COP1: variants seen among roughly 807,000 people sequenced by gnomAD.
The protein encoded by COP1 is COP1 E3 ubiquitin ligase, also known as E3 ubiquitin-protein ligase COP1.
COP1 carries 24 observed loss-of-function variants against 101.3 expected under a neutral mutation model. The ratio of observed to expected loss-of-function variants is 0.24; its 90% CI spans 0.17 to 0.33. The LOEUF (loss-of-function observed/expected upper bound fraction) is 0.33. COP1 is among the 10% of genes least tolerant of loss of function. The pLI, the probability that COP1 is intolerant of heterozygous loss-of-function variation, is 1.00. For synonymous variants in COP1, 347 were observed against 341.9 expected, an observed-to-expected ratio of 1.01 and a Z score of -0.17; for missense variants, 663 against 906.2, an observed-to-expected ratio of 0.73 and a Z score of 3.45.
In COP1 at chr1:176,149,088, T is replaced by A; in HGVS notation, c.763-14A>T. The A allele has an allele frequency of 6.6e-7, 1 of 1,520,424 alleles. No homozygotes were observed. The highest frequency in any genetic ancestry group is 9.0e-7 in the Non-Finnish European group (1 of 1,112,730). 94.2% of individuals were successfully genotyped at this position (1,520,424 alleles called of 1,614,324 possible). On this transcript the variant is annotated splice_polypyrimidine_tract_variant and intron_variant, in intron 5 of 19. Transcript: ENST00000367669. ...TGCATGTGATTCCTACAATAGAAAA[T>A]TATAATTTTTCTTTTAAAAAATATA... is the stretch of plus-strand genomic sequence containing the variant.
At chr1:175,983,410 T>A (rs1344060654) in intron 18 of COP1, among the ~76,000 whole-genome samples, 1 of 152,238 alleles carries the variant, frequency 6.6e-6, no homozygotes, top group Non-Finnish European at 1.5e-5. Context: ...TCTGCTGTCA[T>A]GTGAGACATG....
In COP1 at chr1:175,986,929, A is replaced by G. The variant is rs1657264723; in HGVS notation, c.2133+14T>C. 4.5e-6 allele frequency: 7 copies of G among 1,561,006 alleles called. No individual in the cohort carries two copies. Among genetic ancestry groups the G allele is most frequent in the Admixed American group, 2.1e-5 (1 of 47,754 alleles). Reference sequence around the variant, plus strand: ...ATGAGATCCCAAGGTGAAAAAACTGATATGAAAACTTACCCCATCTGGTAG... The same window carrying G: ...ATGAGATCCCAAGGTGAAAAAACTGGTATGAAAACTTACCCCATCTGGTAG... On this transcript the variant is annotated intron_variant, in intron 18 of 19. Coordinates refer to ENST00000367669, the MANE Select transcript of COP1 (RefSeq NM_022457.7).
chr1:176,042,201 G>A (rs1670684450), intron 14 of COP1, among the ~76,000 whole-genome samples: 1 of 150,868 alleles, frequency 6.6e-6, no homozygotes, highest in African/African-American at 2.4e-5. Context: ...AACCCGGGAG[G>A]TGGAGGTTGC....
chr1:176,152,301 G>T (rs907899726), intron 5 of COP1, among the ~76,000 whole-genome samples: 1 of 151,988 alleles, frequency 6.6e-6, no homozygotes, highest in African/African-American at 2.4e-5. Context: ...AGTGTGTGCA[G>T]TAAATAAAAA....
intron 6 of COP1, among the ~76,000 whole-genome samples, chr1:176,148,150 A>C (rs896163947): frequency 1.3e-5 from 2 of 152,198 alleles, no homozygotes; most frequent in African/African-American, 4.8e-5. Flanking sequence ...TATTAAAATC[A>C]CAACTAAATT....
At chr1:176,182,011 T>C (rs1293259371) in intron 2 of COP1, among the ~76,000 whole-genome samples, 3 of 152,128 alleles carry the variant, frequency 2.0e-5, no homozygotes, top group Admixed American at 6.5e-5. Flanking sequence ...AAAGACAACA[T>C]GAAGATTATA....
rs763831485 is a variant in COP1, at chr1:175,945,181, G to A, written c.2179-11C>T. The A allele has an allele frequency of 7.8e-6, 12 of 1,548,040 alleles. No individual in the cohort carries two copies. The highest frequency in any genetic ancestry group is 1.8e-5 in the Admixed American group (1 of 54,496). On this transcript the variant is annotated splice_polypyrimidine_tract_variant and intron_variant, in intron 19 of 19. Coordinates refer to ENST00000367669, the MANE Select transcript of COP1 (RefSeq NM_022457.7). Reference sequence around the variant, plus strand: ...TACCAATTCTAGCACCTAATTGGGGGGAAAAAAGGATCCATTTAATAAAAT... The same window carrying A: ...TACCAATTCTAGCACCTAATTGGGGAGAAAAAAGGATCCATTTAATAAAAT...
At chr1:176,205,006 G>A (rs575872043) in intron 1 of COP1, among the ~76,000 whole-genome samples, 1 of 152,260 alleles carries the variant, frequency 6.6e-6, no homozygotes, top group East Asian at 1.9e-4. Context: ...AACTTCATAT[G>A]GTGCCTGGCC....
chr1:175,962,232 G>T (rs777810416), intron 18 of COP1, among the ~76,000 whole-genome samples: 16 of 151,996 alleles, frequency 1.1e-4, no homozygotes, highest in African/African-American at 3.9e-4. Context: ...CCTTCTATCT[G>T]CCTGAAAACA....
chr1:176,083,703 A>AAGTT (rs10637115), intron 10 of COP1, among the ~76,000 whole-genome samples: 151,238 of 152,270 alleles, frequency 0.99, 75,121 homozygotes, highest in Non-Finnish European at 1. Flanking sequence ...TTGGAAATAA[A>AAGTT]AGAGAATACA....
chr1:176,012,319 G>A (rs1409049313), intron 15 of COP1, among the ~76,000 whole-genome samples: 1 of 152,174 alleles, frequency 6.6e-6, no homozygotes, highest in Non-Finnish European at 1.5e-5. Context: ...GGAGCTGGGG[G>A]TTTCACCATG....
chr1:176,148,984 T>A, intron 6 of COP1, 22 bp downstream of exon 6: 1 of 1,460,464 alleles, frequency 6.8e-7, no homozygotes, highest in Non-Finnish European at 9.4e-7. Flanking sequence ...AAACATTATG[T>A]AAAACACACA....
chr1:176,126,301 C>T (rs184941678), intron 8 of COP1, among the ~76,000 whole-genome samples: 6 of 152,276 alleles, frequency 3.9e-5, no homozygotes, highest in Middle Eastern at 3.4e-3. Flanking sequence ...AGTTCCAGAT[C>T]TAAGAGGAAA....
intron 9 of COP1, among the ~76,000 whole-genome samples, chr1:176,096,255 T>C (rs1040664151): frequency 6.6e-6 from 1 of 152,194 alleles, no homozygotes; most frequent in East Asian, 1.9e-4. Context: ...TTTGGTCCTA[T>C]GGCATGCCTC....
At chr1:176,185,117 T>C (rs1002769885) in intron 1 of COP1, among the ~76,000 whole-genome samples, 1 of 152,192 alleles carries the variant, frequency 6.6e-6, no homozygotes, top group Non-Finnish European at 1.5e-5. Flanking sequence ...CCTTGAGTGA[T>C]AAATTTATTA....
chr1:176,153,887 T>C (rs1693032441), intron 5 of COP1, among the ~76,000 whole-genome samples: 1 of 152,240 alleles, frequency 6.6e-6, no homozygotes, highest in Admixed American at 6.5e-5. Context: ...GTGTGATAAA[T>C]CACATTTATT....
rs138250665 is a variant in COP1 at position 175,969,026 on chromosome 1, C to T, written c.2133+17917G>A. Reference sequence around the variant, plus strand: ...AGAAGAGCTCCTCTGAGCATAGAACCGTGCATATTTAAGAGAGCTATTCGC... The same window carrying T: ...AGAAGAGCTCCTCTGAGCATAGAACTGTGCATATTTAAGAGAGCTATTCGC... On this transcript the variant is annotated intron_variant, in intron 18 of 19. Coordinates refer to ENST00000367669, the MANE Select transcript of COP1 (RefSeq NM_022457.7). Among the ~76,000 whole-genome samples, 402 of 152,214 alleles carry T rather than the reference C, an allele frequency of 2.6e-3. 3 individuals carry two copies. The highest frequency in any genetic ancestry group is 9.2e-3 in the African/African-American group (384 of 41,528).
At chr1:176,165,337 TGA>T (rs139490334) in intron 3 of COP1, among the ~76,000 whole-genome samples, 26 of 144,804 alleles carry the variant, frequency 1.8e-4, no homozygotes, top group Middle Eastern at 3.5e-3. Flanking sequence ...AAAATTCAGG[TGA>T]GAGAGAGAGA....
chr1:175,994,534 A>G (rs1041932318), intron 15 of COP1, among the ~76,000 whole-genome samples: 55 of 152,322 alleles, frequency 3.6e-4, no homozygotes, highest in Non-Finnish European at 4.7e-4. Context: ...GGCTCAAAAT[A>G]AAAGGATGGA....
Sources: gnomAD v4.1 joint callset for allele counts (sites outside exome capture counted in the v4.1 genomes callset) on GRCh38, gnomAD v4.1.1 for gene constraint, MANE v1.5 for transcripts, NCBI Gene and HGNC (gene_info 2026-07-23, HGNC 2026-07-21) for gene names.